Variants in CCDC144A observed in about 807,000 individuals in gnomAD.
The protein encoded by CCDC144A is coiled-coil domain containing 144A.
In CCDC144A, 41 loss-of-function variants were observed where a neutral mutation model predicts 143.8. The ratio of observed to expected loss-of-function variants is 0.29; its 90% CI spans 0.22 to 0.37. The LOEUF (loss-of-function observed/expected upper bound fraction) is 0.37. Among genes scored for constraint, CCDC144A ranks in the 10% least tolerant of loss-of-function variants. The pLI, the probability that CCDC144A is intolerant of heterozygous loss-of-function variation, is 1.00. For missense variants in CCDC144A, 637 were observed against 1,488.8 expected (o/e 0.43, Z 9.41); for synonymous variants, 242 against 517.9 (o/e 0.47, Z 7.23).
intron 15 of CCDC144A, among the ~76,000 whole-genome samples, chr17:16,768,653 T>C (rs1915704837): frequency 6.6e-6 from 1 of 152,272 alleles, no homozygotes; most frequent in South Asian, 2.1e-4. Context: ...GAAGTACTTT[T>C]TATAGTTTTA....
At chr17:16,697,225 G>T (rs1191376265) in intron 2 of CCDC144A, among the ~76,000 whole-genome samples, 1 of 151,956 alleles carries the variant, frequency 6.6e-6, no homozygotes. Context: ...TGAGTATTAG[G>T]GCAATCTGGT....
At chr17:16,690,239 A>G (rs374212765), upstream of CCDC144A, 1,501 of 518,102 alleles carry the variant, frequency 2.9e-3, 12 homozygotes, top group African/African-American at 0.025. Flanking sequence ...GGCCTTACCC[A>G]CGAGGCTTTG....
chr17:16,767,525 G>C (rs1381765161), intron 15 of CCDC144A, among the ~76,000 whole-genome samples: 6 of 9,818 alleles, frequency 6.1e-4, no homozygotes, highest in African/African-American at 1.8e-3. Context: ...GGTGGGGTGG[G>C]TTTCTGGGTG....
At chr17:16,729,616 C>T (rs1913618040) in intron 9 of CCDC144A, among the ~76,000 whole-genome samples, 1 of 151,916 alleles carries the variant, frequency 6.6e-6, no homozygotes, top group Admixed American at 6.6e-5. Flanking sequence ...AGTATAATGG[C>T]GTGATCTCGG....
the CCDC144A span, among the ~76,000 whole-genome samples, chr17:16,669,120 A>G: frequency 6.6e-6 from 1 of 152,236 alleles, no homozygotes; most frequent in Non-Finnish European, 1.5e-5. Flanking sequence ...TTAATACAAA[A>G]TGCATTTATT....
intron 1 of CCDC144A, among the ~76,000 whole-genome samples, chr17:16,691,557 T>G (rs1911074921): frequency 6.6e-6 from 1 of 151,572 alleles, no homozygotes; most frequent in South Asian, 2.1e-4. Context: ...GTCAGGTGAT[T>G]GAGAGCATCC....
chr17:16,766,301 G>A (rs1597596152), intron 15 of CCDC144A: 1 of 152,220 alleles, frequency 6.6e-6, no homozygotes, highest in Non-Finnish European at 1.5e-5. Context: ...GAATAGAATG[G>A]GAGGCAGGTT....
At chr17:16,684,322 C>T in the CCDC144A span, 1 of 722,862 alleles carries the variant, frequency 1.4e-6, no homozygotes, top group South Asian at 1.5e-5. Context: ...GGTTTAATGA[C>T]ATAACAATTT....
intron 2 of CCDC144A, among the ~76,000 whole-genome samples, chr17:16,704,280 C>T (rs1597538438): frequency 6.6e-6 from 1 of 152,124 alleles, no homozygotes; most frequent in South Asian, 2.1e-4. Context: ...CGGTGAAACC[C>T]CGTCTCTACT....
intron 1 of CCDC144A, among the ~76,000 whole-genome samples, chr17:16,692,725 G>T (rs1051436591): frequency 6.6e-6 from 1 of 151,718 alleles, no homozygotes. Flanking sequence ...GAGCTAGGAC[G>T]CTTTCCATTA....
At chr17:16,770,025 A>G (rs997191859) in intron 15 of CCDC144A, among the ~76,000 whole-genome samples, 13 of 150,976 alleles carry the variant, frequency 8.6e-5, no homozygotes, top group African/African-American at 2.9e-4. Flanking sequence ...ACGGGGTTTC[A>G]CCATATTGTC....
intron 5 of CCDC144A, chr17:16,710,390 A>G (rs1912338457): frequency 1.3e-5 from 2 of 152,444 alleles, no homozygotes; most frequent in African/African-American, 4.8e-5. Flanking sequence ...AAAGAAAAGA[A>G]AAAAGAAGTA....
intron 12 of CCDC144A, among the ~76,000 whole-genome samples, chr17:16,756,937 G>A (rs1292912787): frequency 6.6e-6 from 1 of 152,268 alleles, no homozygotes; most frequent in Non-Finnish European, 1.5e-5. Flanking sequence ...GTGGTTGTTA[G>A]TAGCAGGGGA....
At chr17:16,732,790 CA>C (rs1913804220) in intron 11 of CCDC144A, 124 bp downstream of exon 11, 2 of 727,568 alleles carry the variant, frequency 2.7e-6, no homozygotes, top group Non-Finnish European at 4.3e-6. Context: ...CACACACACA[CA>C]CACATTTGGG....
intron 13 of CCDC144A, among the ~76,000 whole-genome samples, 181 bp from the exon 14 acceptor site, chr17:16,762,132 T>C (rs1233239695): frequency 6.6e-6 from 1 of 152,262 alleles, no homozygotes; most frequent in Non-Finnish European, 1.5e-5. Context: ...CAGTTGGTAC[T>C]GGTGATAAAT....
chr17:16,742,609 T>C (rs1437428060), intron 12 of CCDC144A, among the ~76,000 whole-genome samples: 3 of 152,240 alleles, frequency 2.0e-5, no homozygotes, highest in African/African-American at 7.2e-5. Flanking sequence ...ATGACACTTC[T>C]ATTTTTAGCT....
intron 3 of CCDC144A, chr17:16,706,805 A>G (rs1257048943): frequency 1.3e-5 from 2 of 152,208 alleles, no homozygotes; most frequent in Non-Finnish European, 2.9e-5. Context: ...ATGTAAAGCA[A>G]TAATTGACAG....
chr17:16,677,755 G>A, the CCDC144A span, among the ~76,000 whole-genome samples: 29 of 151,438 alleles, frequency 1.9e-4, no homozygotes, highest in African/African-American at 1.2e-4. Flanking sequence ...TGCAATGAGC[G>A]GAGATCATGC....
the CCDC144A span, chr17:16,684,208 C>G: frequency 1.1e-6 from 1 of 938,910 alleles, no homozygotes; most frequent in Non-Finnish European, 1.8e-6. Flanking sequence ...AGAGGCTGAC[C>G]CAGGGGATGG....
Sources: allele counts gnomAD v4.1 joint callset (sites outside exome capture counted in the v4.1 genomes callset), GRCh38; gene constraint gnomAD v4.1.1; transcripts MANE v1.5; gene names NCBI Gene and HGNC (gene_info 2026-07-23, HGNC 2026-07-21).